The following SLC4A4 variants were observed in gnomAD, a reference collection of about 807,000 sequenced individuals.
SLC4A4 encodes the protein electrogenic sodium bicarbonate cotransporter 1.
A neutral mutation model predicts 111.5 loss-of-function variants in SLC4A4; 27 were observed. The observed-to-expected ratio is 0.24, with a 90% CI of 0.18 to 0.33. SLC4A4 has a LOEUF of 0.33. Ranked by LOEUF, SLC4A4 falls within the 10% of genes least tolerant of loss-of-function variation. SLC4A4 has a pLI of 1.00. For synonymous variants in SLC4A4, 443 were observed against 463.4 expected (o/e 0.96, Z 0.57); for missense variants, 909 against 1,315.5 (o/e 0.69, Z 4.78).
At chr4:71,350,950 C>T (rs1390966527) in intron 5 of SLC4A4, among the ~76,000 whole-genome samples, 1 of 152,112 alleles carries the variant, frequency 6.6e-6, no homozygotes, top group Non-Finnish European at 1.5e-5. Flanking sequence ...AGCCCCTGCA[C>T]TTCTTTTTAA....
intron 3 of SLC4A4, among the ~76,000 whole-genome samples, chr4:71,323,394 C>G (rs1024811458): frequency 7.3e-5 from 11 of 151,716 alleles, no homozygotes; most frequent in Non-Finnish European, 1.6e-4. Context: ...AAACAAACAA[C>G]AAGAAAGAAT....
At chr4:71,270,552 C>T (rs1722635733) in intron 3 of SLC4A4, among the ~76,000 whole-genome samples, 1 of 152,186 alleles carries the variant, frequency 6.6e-6, no homozygotes, top group Non-Finnish European at 1.5e-5. Flanking sequence ...GAACATTTGA[C>T]CTCCTGGAAT....
At chr4:71,186,190 A>G (rs1745443543), upstream of SLC4A4, among the ~76,000 whole-genome samples, 1 of 152,244 alleles carries the variant, frequency 6.6e-6, no homozygotes, top group Non-Finnish European at 1.5e-5. Context: ...CAGAATAAAT[A>G]CAAATAATCA....
intron 3 of SLC4A4, among the ~76,000 whole-genome samples, chr4:71,272,106 T>G (rs531888198): frequency 6.6e-6 from 1 of 152,326 alleles, no homozygotes; most frequent in South Asian, 2.1e-4. Context: ...AATGCAAGTA[T>G]ATATAATCTT....
chr4:71,094,856 T>G (rs1361076106), intron 2 of SLC4A4, among the ~76,000 whole-genome samples: 1 of 152,224 alleles, frequency 6.6e-6, no homozygotes, highest in Non-Finnish European at 1.5e-5. Flanking sequence ...AGCCAAGCTC[T>G]ATATTTTCCA....
intron 3 of SLC4A4, among the ~76,000 whole-genome samples, chr4:71,330,266 T>A (rs111709796): frequency 0.03 from 4,569 of 152,264 alleles, 111 homozygotes; most frequent in East Asian, 0.12. Context: ...TGGCCTGTAG[T>A]TTTCCTTTTC....
At chr4:71,399,978 C>G (rs780190566) in intron 7 of SLC4A4, among the ~76,000 whole-genome samples, 2 of 152,192 alleles carry the variant, frequency 1.3e-5, no homozygotes, top group Non-Finnish European at 2.9e-5. Flanking sequence ...AGGGAGAACT[C>G]AGGCCACTAG....
intron 1 of SLC4A4, among the ~76,000 whole-genome samples, chr4:71,193,613 T>A (rs1298043339): frequency 6.6e-6 from 1 of 152,242 alleles, no homozygotes; most frequent in Admixed American, 6.5e-5. Context: ...GGGTTTTGTA[T>A]GTCTTTTTTT....
chr4:71,151,622 T>TA (rs1051058219), intron 2 of SLC4A4, among the ~76,000 whole-genome samples: 1 of 151,900 alleles, frequency 6.6e-6, no homozygotes, highest in Admixed American at 6.6e-5. Flanking sequence ...TTTTTATACG[T>TA]AAAAAATATT....
intron 1 of SLC4A4, among the ~76,000 whole-genome samples, chr4:71,073,349 A>G (rs1741717781): frequency 1.3e-5 from 2 of 152,192 alleles, no homozygotes; most frequent in African/African-American, 2.4e-5. Flanking sequence ...TTGAGCTAAC[A>G]CATTTAAATT....
rs546711408 is a variant in SLC4A4, at chr4:71,289,528, C to A, written c.253+34129C>A. 3.9e-5 allele frequency among the ~76,000 whole-genome samples: 6 copies of A among 152,142 alleles called. No homozygotes were observed. The South Asian group carries it at 1.2e-3, about 32-fold the overall frequency. On this transcript the variant is annotated intron_variant, in intron 3 of 25. Transcript: ENST00000264485. Reference sequence around the variant, plus strand: ...GTTTTATAATCTAGCAGAGAGAGAACGTGTACATCCAACACAAGTTGAGAA... The same window carrying A: ...GTTTTATAATCTAGCAGAGAGAGAAAGTGTACATCCAACACAAGTTGAGAA...
At chr4:71,514,898 C>T (rs1261640536) in intron 16 of SLC4A4, among the ~76,000 whole-genome samples, 1 of 151,990 alleles carries the variant, frequency 6.6e-6, no homozygotes, top group East Asian at 1.9e-4. Flanking sequence ...TTTAGTCTAG[C>T]TAGCAGTTTA....
At chr4:71,156,896 TAGG>T (rs1164472776) in intron 2 of SLC4A4, among the ~76,000 whole-genome samples, 3 of 152,284 alleles carry the variant, frequency 2.0e-5, no homozygotes, top group South Asian at 2.1e-4. Flanking sequence ...AGCTCATGCT[TAGG>T]AGTTTTATTT....
chr4:71,194,931 AC>A (rs1463994058), intron 1 of SLC4A4, among the ~76,000 whole-genome samples: 2 of 152,224 alleles, frequency 1.3e-5, no homozygotes, highest in Non-Finnish European at 2.9e-5. Context: ...CACCTTATAT[AC>A]ATTTGTGTAA....
rs1307653655 is a variant in SLC4A4 at position 71,095,003 on chromosome 4, C to A, written c.-2+2211C>A. On this transcript the variant is annotated intron_variant, in intron 2 of 26. Coordinates refer to the SLC4A4 transcript ENST00000649996. ...TCTTTCAAATTGTTGATCAGTAAAA[C>A]TGATGATCAGTAAAACCATATGTGT... is the stretch of plus-strand genomic sequence containing the variant. Among the ~76,000 whole-genome samples, 6 of 152,312 alleles carry A rather than the reference C, an allele frequency of 3.9e-5. 1 individual carries two copies. Among genetic ancestry groups the A allele is most frequent in the African/African-American group, 1.4e-4 (6 of 41,558 alleles).
At chr4:71,169,115 T>A (rs1054541195) in intron 2 of SLC4A4, among the ~76,000 whole-genome samples, 1 of 152,046 alleles carries the variant, frequency 6.6e-6, no homozygotes, top group Admixed American at 6.6e-5. Context: ...GCCTCCCAGA[T>A]TCTCCTGCCT....
chr4:71,289,979 A>G (rs1724209850), intron 3 of SLC4A4, among the ~76,000 whole-genome samples: 1 of 152,234 alleles, frequency 6.6e-6, no homozygotes, highest in Non-Finnish European at 1.5e-5. Flanking sequence ...GATAGGTTGG[A>G]GTAGTGGAGC....
At chr4:71,567,330 G>C (rs1197102807) in intron 25 of SLC4A4, among the ~76,000 whole-genome samples, 1 of 151,652 alleles carries the variant, frequency 6.6e-6, no homozygotes, top group African/African-American at 2.4e-5. Context: ...ATCAACATTA[G>C]CTCTTTTAAT....
intron 16 of SLC4A4, among the ~76,000 whole-genome samples, chr4:71,512,708 T>C (rs1732041127): frequency 1.3e-5 from 2 of 152,162 alleles, no homozygotes; most frequent in African/African-American, 2.4e-5. Context: ...ATTATTTGTC[T>C]ACACCAATGT....
Sources: gnomAD v4.1 joint callset for allele counts (sites outside exome capture counted in the v4.1 genomes callset) on GRCh38, gnomAD v4.1.1 for gene constraint, MANE v1.5 for transcripts, NCBI Gene and HGNC (gene_info 2026-07-23, HGNC 2026-07-21) for gene names.